KCNN3: variants seen among roughly 807,000 people sequenced by gnomAD.
KCNN3 encodes the protein potassium calcium-activated channel subfamily N member 3.
Under a neutral mutation model 62.9 loss-of-function variants are expected in KCNN3, and 16 were observed. The ratio of observed to expected loss-of-function variants is 0.25; its 90% CI spans 0.17 to 0.39. KCNN3 has a LOEUF of 0.39. Among genes scored for constraint, KCNN3 ranks in the 10% least tolerant of loss-of-function variants. The probability of loss-of-function intolerance (pLI) is 1.00; values close to 1 mark genes in which losing one functional copy is unlikely to be tolerated. For missense variants in KCNN3, 599 were observed against 949.4 expected (o/e 0.63, Z 4.85); for synonymous variants, 370 against 389.2 (o/e 0.95, Z 0.58).
At chr1:154,806,698 G>A (rs1650185342) in intron 2 of KCNN3, among the ~76,000 whole-genome samples, 1 of 152,190 alleles carries the variant, frequency 6.6e-6, no homozygotes, top group Non-Finnish European at 1.5e-5. Context: ...TCCTTGAGAT[G>A]TGCCAGCCAT....
intron 3 of KCNN3, among the ~76,000 whole-genome samples, chr1:154,734,875 GCT>G (rs1213436809): frequency 6.6e-6 from 1 of 152,202 alleles, no homozygotes; most frequent in African/African-American, 2.4e-5. Flanking sequence ...CAAAGCCCAT[GCT>G]CCTTTCACTG....
chr1:154,772,028 C>T lies in KCNN3; in HGVS notation c.1395G>A (p.Val465=), dbSNP rs1212995083. The T allele has an allele frequency of 2.5e-6, 4 of 1,614,172 alleles. No individual in the cohort carries two copies. The South Asian group carries it at 3.3e-5, about 13-fold the overall frequency. The part of the protein sequence containing the change: ...MTICPGTVLL[V]FSISLWIIAA... ...CAATGATCCACAGAGAGATGCTGAA[C>T]ACGAGCAGCACAGTGCCAGGGCAGA... The change falls in exon 3 of 8, where the codon GTG becomes GTA. Residue 465 remains valine (V), a synonymous_variant. Coordinates refer to ENST00000271915, the MANE Select transcript of KCNN3 (RefSeq NM_002249.6). The surrounding 1 kb of genome is among the most constrained non-coding windows in gnomAD (Gnocchi z 5.6).
chr1:154,780,085 G>C (rs1040146525), intron 2 of KCNN3, among the ~76,000 whole-genome samples: 1 of 152,138 alleles, frequency 6.6e-6, no homozygotes, highest in Admixed American at 6.5e-5. Flanking sequence ...ACACTACCCA[G>C]TGCCTCCAGC....
chr1:154,764,907 G>A (rs556901860), intron 3 of KCNN3, among the ~76,000 whole-genome samples: 32 of 152,268 alleles, frequency 2.1e-4, no homozygotes, highest in African/African-American at 7.2e-4. Context: ...ACTGGCAAAC[G>A]AGTTCCCCCC....
chr1:154,725,357 T>A (rs1469875777), intron 5 of KCNN3, among the ~76,000 whole-genome samples: 3 of 152,156 alleles, frequency 2.0e-5, no homozygotes, highest in Non-Finnish European at 4.4e-5. Flanking sequence ...TATACCATTG[T>A]AGGCTATTAA....
intron 1 of KCNN3, among the ~76,000 whole-genome samples, chr1:154,857,720 C>A (rs1252593997): frequency 6.6e-6 from 1 of 152,150 alleles, no homozygotes; most frequent in Non-Finnish European, 1.5e-5. Flanking sequence ...ACTCTCGGAG[C>A]CTTGGGTCTG....
At chr1:154,797,701 C>A (rs1649789330) in intron 2 of KCNN3, among the ~76,000 whole-genome samples, 1 of 152,204 alleles carries the variant, frequency 6.6e-6, no homozygotes, top group Middle Eastern at 3.2e-3. Context: ...AGCACTCTTT[C>A]AATTTTTGGT....
chr1:154,726,834 G>A (rs377563767), intron 4 of KCNN3, among the ~76,000 whole-genome samples: 5 of 152,170 alleles, frequency 3.3e-5, no homozygotes, highest in African/African-American at 7.2e-5. Flanking sequence ...TAGTCTGCTC[G>A]GTAGGTCCGT....
At chr1:154,847,022 C>T (rs1652092677) in intron 1 of KCNN3, among the ~76,000 whole-genome samples, 1 of 152,226 alleles carries the variant, frequency 6.6e-6, no homozygotes, top group South Asian at 2.1e-4. Context: ...GTTGAGCCGG[C>T]TCCGCCTGAC....
At chr1:154,857,066 T>C (rs1571343582) in intron 1 of KCNN3, among the ~76,000 whole-genome samples, 1 of 152,040 alleles carries the variant, frequency 6.6e-6, no homozygotes, top group Admixed American at 6.5e-5. Flanking sequence ...AGTGCCTGCC[T>C]CCCCCACCAG....
At chr1:154,851,212 C>T (rs956068758) in intron 1 of KCNN3, among the ~76,000 whole-genome samples, 3 of 152,026 alleles carry the variant, frequency 2.0e-5, no homozygotes, top group Admixed American at 6.6e-5. Context: ...CTCCTGACTT[C>T]GTGATCCACC....
At chr1:154,740,723 G>A (rs772334431) in intron 3 of KCNN3, among the ~76,000 whole-genome samples, 1 of 152,152 alleles carries the variant, frequency 6.6e-6, no homozygotes. Flanking sequence ...TTGACTTTAC[G>A]TTTCCATGAT....
At chr1:154,729,333 C>T (rs1030890364) in intron 4 of KCNN3, among the ~76,000 whole-genome samples, 6 of 151,960 alleles carry the variant, frequency 3.9e-5, no homozygotes, top group Non-Finnish European at 8.8e-5. Flanking sequence ...TTCCATGGGG[C>T]GAGGGGAGTG....
chr1:154,867,841 G>C (rs1372291183), intron 1 of KCNN3: 2 of 436,588 alleles, frequency 4.6e-6, no homozygotes, highest in Admixed American at 6.5e-5. Context: ...CAACAAATTG[G>C]GGGTGGGGGT....
In KCNN3 at chr1:154,843,557, C is replaced by T. The variant is rs550884676; in HGVS notation, c.934-21373G>A. 2.0e-4 allele frequency among the ~76,000 whole-genome samples: 31 copies of T among 152,294 alleles called. No homozygotes were observed. In the East Asian group the frequency reaches 6.0e-3, roughly 29 times the overall value. On this transcript the variant is annotated intron_variant, in intron 1 of 7. Transcript: ENST00000271915. ...CAGGGATTACAAGTGTGAGCCACTG[C>T]GCCCGGCCCCTCATCAAATCTGAAG...
chr1:154,766,933 G>A (rs1450166768), intron 3 of KCNN3, among the ~76,000 whole-genome samples: 2 of 151,944 alleles, frequency 1.3e-5, no homozygotes, highest in Non-Finnish European at 2.9e-5. Context: ...TGCCCGCCTC[G>A]GCCTCCCAAA....
intron 2 of KCNN3, among the ~76,000 whole-genome samples, chr1:154,789,112 G>A (rs146555322): frequency 1.6e-4 from 25 of 152,308 alleles, no homozygotes; most frequent in African/African-American, 4.3e-4. Context: ...GCTCCTTCCC[G>A]AAGATCAGGC....
At position 154,699,403 on chromosome 1, in the gene KCNN3, G is replaced by A. The variant is rs1699806608; in HGVS notation, c.*8573C>T. The A allele has an allele frequency of 6.6e-6, 1 of 152,080 alleles. No individual in the cohort carries two copies. Among genetic ancestry groups the A allele is most frequent in the Admixed American group, 6.5e-5 (1 of 15,268 alleles). The allele number at this position is 152,080 out of a possible 1,614,324, so 9.4% of individuals were successfully genotyped here. On this transcript the variant is annotated 3_prime_UTR_variant, in exon 8 of 8. Transcript: ENST00000271915. ...ATTATATATGAATGTGCGGGTATAT[G>A]TGTGTGCACCTATGTATGTATAAAT...
At chr1:154,739,281 C>T (rs1256837560) in intron 3 of KCNN3, among the ~76,000 whole-genome samples, 1 of 152,154 alleles carries the variant, frequency 6.6e-6, no homozygotes, top group Non-Finnish European at 1.5e-5. Flanking sequence ...AAACTACATG[C>T]AACATTAAAT....
Sources: gnomAD v4.1 joint callset for allele counts (sites outside exome capture counted in the v4.1 genomes callset) on GRCh38, gnomAD v4.1.1 for gene constraint, Gnocchi (gnomAD v3.1) non-coding constraint, MANE v1.5 for transcripts, NCBI Gene and HGNC (gene_info 2026-07-23, HGNC 2026-07-21) for gene names.